Variants in CHST9 observed in about 807,000 individuals in gnomAD.
CHST9 encodes the protein carbohydrate sulfotransferase 9, also known as GalNAc-4-sulfotransferase 2.
Under a neutral mutation model 44.4 loss-of-function variants are expected in CHST9, and 41 were observed. The observed-to-expected ratio is 0.92, with a 90% CI of 0.72 to 1.20. The LOEUF (loss-of-function observed/expected upper bound fraction) is 1.20, where lower values mean the gene tolerates loss of function less well. Ranked by LOEUF, CHST9 falls within the 50% of genes most tolerant of loss-of-function variation. The probability of loss-of-function intolerance (pLI) is 0.00; values close to 1 mark genes in which losing one functional copy is unlikely to be tolerated. For missense variants in CHST9, 504 were observed against 516.5 expected, an observed-to-expected ratio of 0.98 and a Z score of 0.23; for synonymous variants, 171 against 178.4, an observed-to-expected ratio of 0.96 and a Z score of 0.33.
At chr18:27,063,625 G>A (rs574868105) in intron 2 of CHST9, among the ~76,000 whole-genome samples, 123 of 152,136 alleles carry the variant, frequency 8.1e-4, no homozygotes, top group African/African-American at 2.9e-3. Flanking sequence ...TGTGGAAATG[G>A]GTCATTTCTA....
At position 27,142,834 on chromosome 18, in the gene CHST9, A is replaced by T; in HGVS notation, c.-25T>A. 4 of 1,576,498 alleles carry T rather than the reference A, an allele frequency of 2.5e-6. No homozygotes were observed. Among genetic ancestry groups the T allele is most frequent in the South Asian group, 1.2e-5 (1 of 82,330 alleles). On this transcript the variant is annotated 5_prime_UTR_variant, in exon 2 of 6. Transcript: ENST00000618847. ...TTTCTCCTTATTTCAGAATCTGAAG[A>T]CCACATGATTTGTTTTCCCGTAAAA...
intron 4 of CHST9, among the ~76,000 whole-genome samples, chr18:26,964,672 C>A (rs1289128075): frequency 6.6e-6 from 1 of 152,238 alleles, no homozygotes; most frequent in Non-Finnish European, 1.5e-5. Flanking sequence ...TCCAGCAGAG[C>A]AGTCTTGTCC....
intron 1 of CHST9, among the ~76,000 whole-genome samples, chr18:27,162,551 T>C (rs1159563011): frequency 3.3e-5 from 5 of 152,194 alleles, no homozygotes; most frequent in Non-Finnish European, 7.3e-5. Flanking sequence ...ATTTTTTCCT[T>C]CATTTCAACT....
intron 4 of CHST9, among the ~76,000 whole-genome samples, chr18:27,006,219 C>A (rs1351926096): frequency 1.3e-5 from 2 of 152,172 alleles, no homozygotes; most frequent in Non-Finnish European, 2.9e-5. Context: ...AGGAGGTCCA[C>A]TGCTCTAGGC....
chr18:27,084,342 C>T (rs73404849), intron 2 of CHST9, among the ~76,000 whole-genome samples: 5,681 of 151,796 alleles, frequency 0.037, 332 homozygotes, highest in African/African-American at 0.13. Flanking sequence ...TTGGTCTGTC[C>T]AGGGTTTCAA....
At chr18:27,027,460 G>T (rs2057295333) in intron 3 of CHST9, among the ~76,000 whole-genome samples, 1 of 152,170 alleles carries the variant, frequency 6.6e-6, no homozygotes, top group East Asian at 1.9e-4. Context: ...TGGTTGCTGG[G>T]TTTAAAAGTT....
intron 3 of CHST9, among the ~76,000 whole-genome samples, chr18:27,030,951 C>T (rs982825320): frequency 1.3e-5 from 2 of 152,198 alleles, no homozygotes; most frequent in African/African-American, 4.8e-5. Flanking sequence ...TCTTCATTAT[C>T]ATGCAATCAT....
Position 27,038,581 on chromosome 18 carries a change from C to T in CHST9, c.160+9884G>A, listed in dbSNP as rs1343188337. Reference sequence around the variant, plus strand: ...AGCAAGGGCTTCAGTTCTGCAGTGTCCACTATGGTAGCTGCTGGCCACATG... The same window carrying T: ...AGCAAGGGCTTCAGTTCTGCAGTGTTCACTATGGTAGCTGCTGGCCACATG... On this transcript the variant is annotated intron_variant, in intron 3 of 5. Transcript: ENST00000618847. 2.0e-5 allele frequency among the ~76,000 whole-genome samples: 3 copies of T among 152,062 alleles called. No individual in the cohort carries two copies. The East Asian group carries it at 5.8e-4, about 29-fold the overall frequency.
chr18:27,184,524 C>T (rs1286234775), intron 1 of CHST9, among the ~76,000 whole-genome samples: 1 of 152,112 alleles, frequency 6.6e-6, no homozygotes, highest in African/African-American at 2.4e-5. Context: ...CCCTCCCAAC[C>T]CCTCTGCTCT....
Position 26,908,741 on chromosome 18 carries a change from T to C in CHST9, c.*7518A>G, listed in dbSNP as rs1240621603. The C allele has an allele frequency of 6.6e-6, 1 of 152,208 alleles. No individual in the cohort carries two copies. The highest frequency in any genetic ancestry group is 2.4e-5 in the African/African-American group (1 of 41,454). The allele number at this position is 152,208 out of a possible 1,614,324, so 9.4% of individuals were successfully genotyped here. A position where few individuals can be genotyped will look rare whatever the true frequency, so the allele number is the denominator to read the frequency against. ...TCAGTCAAATGTTGGCAATGTCATA[T>C]GGTTCAACCTAATAGAAAGGCAAAA... On this transcript the variant is annotated 3_prime_UTR_variant, in exon 6 of 6. Transcript: ENST00000618847.
chr18:27,184,540 C>T (rs963244269), intron 1 of CHST9, among the ~76,000 whole-genome samples: 2 of 152,046 alleles, frequency 1.3e-5, no homozygotes, highest in South Asian at 2.1e-4. Context: ...GCTCTGGCCA[C>T]GATCGCACCT....
chr18:27,152,595 A>G (rs934661301), intron 1 of CHST9, among the ~76,000 whole-genome samples: 1 of 152,208 alleles, frequency 6.6e-6, no homozygotes, highest in African/African-American at 2.4e-5. Context: ...TCACAAGAAT[A>G]TGCAGCATGC....
intron 4 of CHST9, among the ~76,000 whole-genome samples, chr18:26,987,220 T>C (rs1394552607): frequency 6.6e-6 from 1 of 152,176 alleles, no homozygotes; most frequent in Non-Finnish European, 1.5e-5. Context: ...GGATTAGTTC[T>C]AGGGAGAGTA....
intron 4 of CHST9, among the ~76,000 whole-genome samples, chr18:26,956,326 A>AATAT (rs71169902): frequency 2.6e-3 from 325 of 125,666 alleles, no homozygotes; most frequent in Admixed American, 6.3e-3. Context: ...AAAAAAAAAA[A>AATAT]ATATATATAT....
chr18:27,019,084 A>G (rs914258824), intron 4 of CHST9, among the ~76,000 whole-genome samples: 1 of 152,190 alleles, frequency 6.6e-6, no homozygotes, highest in Non-Finnish European at 1.5e-5. Flanking sequence ...GTATCTCCGC[A>G]ATCTGCAGTG....
At chr18:27,153,267 G>C (rs894479027) in intron 1 of CHST9, among the ~76,000 whole-genome samples, 4 of 152,118 alleles carry the variant, frequency 2.6e-5, no homozygotes, top group Non-Finnish European at 5.9e-5. Flanking sequence ...TCCTGTGGCA[G>C]CCATAAATTA....
intron 2 of CHST9, among the ~76,000 whole-genome samples, chr18:27,130,011 G>A (rs529251637): frequency 3.8e-4 from 58 of 152,244 alleles, no homozygotes; most frequent in African/African-American, 1.4e-3. Flanking sequence ...CAAAGGTGGA[G>A]GAGGGGAAGG....
intron 2 of CHST9, among the ~76,000 whole-genome samples, chr18:27,052,286 ATG>A (rs1303688063): frequency 7.2e-5 from 5 of 69,648 alleles, no homozygotes; most frequent in Non-Finnish European, 1.9e-4. Flanking sequence ...ATGTATATAT[ATG>A]TGTGTATATA....
intron 4 of CHST9, among the ~76,000 whole-genome samples, chr18:27,020,600 A>G (rs1460616269): frequency 6.6e-6 from 1 of 152,232 alleles, no homozygotes. Context: ...CTTGACTAGG[A>G]GCTAGCACCT....
Sources: gnomAD v4.1 joint callset for allele counts (sites outside exome capture counted in the v4.1 genomes callset) on GRCh38, gnomAD v4.1.1 for gene constraint, MANE v1.5 for transcripts, NCBI Gene and HGNC (gene_info 2026-07-23, HGNC 2026-07-21) for gene names.